ESR2: variants seen among roughly 807,000 people sequenced by gnomAD.
ESR2 encodes the protein estrogen receptor 2, also known as estrogen receptor beta.
In ESR2, 36 loss-of-function variants were observed where a neutral mutation model predicts 49.6. That is an observed-to-expected ratio of 0.73 (90% CI 0.56 to 0.96). ESR2 has a LOEUF of 0.96. ESR2 is among the 40% of genes least tolerant of loss of function. The probability of loss-of-function intolerance (pLI) is 0.00; values close to 1 mark genes in which losing one functional copy is unlikely to be tolerated. For missense variants in ESR2, 714 were observed against 693.0 expected, an observed-to-expected ratio of 1.03 and a Z score of -0.34; for synonymous variants, 320 against 266.1, an observed-to-expected ratio of 1.20 and a Z score of -1.97.
intron 1 of ESR2, among the ~76,000 whole-genome samples, chr14:64,314,661 T>G (rs2077229825): frequency 6.6e-6 from 1 of 151,372 alleles, no homozygotes; most frequent in African/African-American, 2.4e-5. Context: ...GCAGATCACC[T>G]GAGGTCAGGA....
intron 8 of ESR2, chr14:64,234,075 A>G (rs1315922157): frequency 6.6e-6 from 1 of 152,196 alleles, no homozygotes; most frequent in Non-Finnish European, 1.5e-5. Context: ...CAAAAACACC[A>G]CAAATATTGA....
chr14:64,260,688 T>TA lies in ESR2; in HGVS notation c.712_713insT (p.Gln238LeufsTer39). 3.9e-6 allele frequency: 6 copies of TA among 1,556,578 alleles called. No homozygotes were observed. The highest frequency in any genetic ancestry group is 3.8e-5 in the Admixed American group (2 of 52,806). The stretch of plus-strand genomic sequence containing the variant: ...CTTGGCCTTGCCGGCACAGTGCAGC[T>TA]GCTCGTCGGCACTTCTCTGTCTCCG... On this transcript the variant is annotated frameshift_variant, in exon 5 of 9. Transcript: ENST00000341099. LOFTEE classifies it high-confidence loss of function.
At chr14:64,338,097 A>G in exon 1 of ESR2, 1 of 154,900 alleles carries the variant, frequency 6.5e-6, no homozygotes, top group Middle Eastern at 5.2e-4. Context: ...TCCCCTCTCG[A>G]CAGTTAACTG....
rs1188652988 is a variant in ESR2 at position 64,260,587 on chromosome 14, G to C, written c.814C>G (p.Leu272Val). ...ALSPEQLVLTLLEAEPPHVLI... is the reference protein window; with the variant it reads ...ALSPEQLVLTVLEAEPPHVLI... ...ACATGGGGCGGCTCAGCCTCCAGGA[G>C]GGTGAGCACTAGCTGCTCGGGGCTC... Residue 272 changes from leucine (L) to valine (V), a missense_variant, in exon 5 of 9, where the codon CTC becomes GTC. Coordinates refer to ENST00000341099, the MANE Select transcript of ESR2 (RefSeq NM_001437.3). 6.8e-6 allele frequency: 11 copies of C among 1,608,916 alleles called. No homozygotes were observed. The highest frequency in any genetic ancestry group is 9.3e-6 in the Non-Finnish European group (11 of 1,177,216).
At chr14:64,240,888 T>TAA in intron 7 of ESR2, among the ~76,000 whole-genome samples, 1 of 152,080 alleles carries the variant, frequency 6.6e-6, no homozygotes, top group South Asian at 2.1e-4. Context: ...CTCACGCTTG[T>TAA]AATCCCAGCA....
At chr14:64,322,215 T>C (rs2077332983) in intron 1 of ESR2, among the ~76,000 whole-genome samples, 1 of 152,094 alleles carries the variant, frequency 6.6e-6, no homozygotes, top group South Asian at 2.1e-4. Context: ...CCCACCACCA[T>C]GCCCAGCTAA....
At chr14:64,293,507 C>T (rs1399616646) in intron 1 of ESR2, among the ~76,000 whole-genome samples, 1 of 152,250 alleles carries the variant, frequency 6.6e-6, no homozygotes, top group Admixed American at 6.5e-5. Context: ...AAGAATAACA[C>T]GCAGGGTGTT....
At chr14:64,274,499 A>T (rs183211365) in intron 3 of ESR2, among the ~76,000 whole-genome samples, 158 of 151,516 alleles carry the variant, frequency 1.0e-3, no homozygotes, top group Middle Eastern at 3.4e-3. Context: ...TCTTTTTTTT[A>T]AAAAAATTAG....
chr14:64,318,532 C>T (rs569893930), intron 1 of ESR2, among the ~76,000 whole-genome samples: 18 of 45,822 alleles, frequency 3.9e-4, no homozygotes, highest in African/African-American at 1.5e-3. Context: ...AACGAAACTC[C>T]ATCTCAAAAA....
chr14:64,325,918 TC>T (rs1210121635), intron 1 of ESR2, among the ~76,000 whole-genome samples: 35 of 151,928 alleles, frequency 2.3e-4, no homozygotes, highest in African/African-American at 8.2e-4. Flanking sequence ...TACTGGTAAG[TC>T]TTCCAGTCAA....
At chr14:64,251,518 C>A (rs889988164) in intron 6 of ESR2, among the ~76,000 whole-genome samples, 4 of 152,052 alleles carry the variant, frequency 2.6e-5, no homozygotes, top group African/African-American at 9.7e-5. Flanking sequence ...CTTAGTTCCT[C>A]AATATTGAAA....
intron 1 of ESR2, among the ~76,000 whole-genome samples, chr14:64,288,899 T>G (rs1232543609): frequency 6.8e-6 from 1 of 147,476 alleles, no homozygotes; most frequent in Non-Finnish European, 1.5e-5. Flanking sequence ...GGCAGGAGAA[T>G]CGCTTGAACC....
At chr14:64,240,186 T>C (rs569653818) in intron 7 of ESR2, among the ~76,000 whole-genome samples, 2 of 152,360 alleles carry the variant, frequency 1.3e-5, no homozygotes, top group Admixed American at 1.3e-4. Context: ...GCAGATGTGA[T>C]TGAGTGACAT....
Position 64,234,783 on chromosome 14 carries a change from T to C in ESR2, c.1406+187A>G, listed in dbSNP as rs904238576. 41 of 1,302,602 alleles carry C rather than the reference T, an allele frequency of 3.1e-5. No homozygotes were observed. The Admixed American group carries it at 4.2e-4, about 13-fold the overall frequency. 80.7% of individuals were successfully genotyped at this position (1,302,602 alleles called of 1,614,324 possible). ...CATGCAGAGCCTGTAAGATACCACA[T>C]GACATTCCTTCCATGCCCACTCTGT... On this transcript the variant is annotated intron_variant, in intron 8 of 8. Transcript: ENST00000341099.
intron 2 of ESR2, among the ~76,000 whole-genome samples, chr14:64,281,457 AAAC>A (rs937752599): frequency 2.0e-5 from 3 of 152,330 alleles, no homozygotes; most frequent in Admixed American, 2.0e-4. Context: ...GAGAAAAAAA[AAAC>A]AAACCATTAC....
Position 64,282,903 on chromosome 14 carries a change from C to A in ESR2, c.83G>T (p.Gly28Val). 6.2e-7 allele frequency: 1 copy of A among 1,614,134 alleles called. No homozygotes were observed. The highest frequency in any genetic ancestry group is 1.1e-5 in the South Asian group (1 of 91,076). The change falls in exon 2 of 9, where the codon GGC becomes GTC. Residue 28 changes from glycine to valine, a missense_variant. Physicochemically the swap from Gly to Val is moderately radical, Grantham distance 109 (BLOSUM62 -3). Transcript: ENST00000341099. ...CSQSILPLEH[G>V]SIYIPSSYVD... Reference sequence around the variant, plus strand: ...ATAGGAGGAAGGTATGTATATGGAGCCGTGCTCCAGGGGTAAGATGGATTG... The same window carrying A: ...ATAGGAGGAAGGTATGTATATGGAGACGTGCTCCAGGGGTAAGATGGATTG...
intron 1 of ESR2, among the ~76,000 whole-genome samples, chr14:64,324,324 C>T (rs752370218): frequency 6.6e-6 from 1 of 152,126 alleles, no homozygotes; most frequent in Non-Finnish European, 1.5e-5. Context: ...TGGGAAAGGG[C>T]ATGTTTTTTG....
At chr14:64,335,973 T>TTGTGTGTGTGTGTGTG (rs55721717) in intron 1 of ESR2, 1 of 125,694 alleles carries the variant, frequency 8.0e-6, no homozygotes, top group East Asian at 2.4e-4. Flanking sequence ...CCCAGCTAAT[T>TTGTGTGTGTGTGTGTG]TGTGTGTGTG....
chr14:64,260,042 G>T, intron 5 of ESR2: 1 of 445,044 alleles, frequency 2.2e-6, no homozygotes, highest in Admixed American at 2.4e-5. Flanking sequence ...CATCCTCCCA[G>T]ACCACCTCTA....
Sources: allele counts gnomAD v4.1 joint callset (sites outside exome capture counted in the v4.1 genomes callset), GRCh38; gene constraint gnomAD v4.1.1; transcripts MANE v1.5; gene names NCBI Gene and HGNC (gene_info 2026-07-23, HGNC 2026-07-21).